Variants in CTNND2 observed in about 807,000 individuals in gnomAD.
CTNND2 encodes the protein catenin delta-2.
CTNND2 carries 22 observed loss-of-function variants against 144.4 expected under a neutral mutation model. That is an observed-to-expected ratio of 0.15 (90% CI 0.11 to 0.22). The LOEUF (loss-of-function observed/expected upper bound fraction) is 0.22, where lower values mean the gene tolerates loss of function less well. Ranked by LOEUF, CTNND2 falls within the 10% of genes least tolerant of loss-of-function variation. The pLI, the probability that CTNND2 is intolerant of heterozygous loss-of-function variation, is 1.00. For synonymous variants in CTNND2, 751 were observed against 695.6 expected (o/e 1.08, Z -1.25); for missense variants, 1,353 against 1,618.8 (o/e 0.84, Z 2.82).
chr5:11,281,044 C>T (rs1747059309), intron 9 of CTNND2, among the ~76,000 whole-genome samples: 2 of 152,184 alleles, frequency 1.3e-5, no homozygotes, highest in South Asian at 4.1e-4. Context: ...CAGCATGTAA[C>T]ATGTTCACCA....
intron 3 of CTNND2, among the ~76,000 whole-genome samples, chr5:11,481,178 A>G (rs1309150097): frequency 6.6e-6 from 1 of 152,210 alleles, no homozygotes; most frequent in Non-Finnish European, 1.5e-5. Flanking sequence ...ACGTGGGATC[A>G]GAAAACAAAC....
intron 11 of CTNND2, among the ~76,000 whole-genome samples, chr5:11,188,003 G>A (rs891403709): frequency 1.3e-5 from 2 of 152,170 alleles, no homozygotes; most frequent in African/African-American, 4.8e-5. Flanking sequence ...CACTGCTGGT[G>A]GGAATGTAAA....
chr5:11,801,163 A>G (rs1337285485), intron 1 of CTNND2, among the ~76,000 whole-genome samples: 1 of 152,244 alleles, frequency 6.6e-6, no homozygotes, highest in Admixed American at 6.5e-5. Flanking sequence ...TGAGTTAAAT[A>G]GCACACTGGC....
chr5:11,883,983 G>C (rs980584318), intron 1 of CTNND2, among the ~76,000 whole-genome samples: 6 of 152,148 alleles, frequency 3.9e-5, no homozygotes, highest in African/African-American at 1.4e-4. Flanking sequence ...GTCTTCTTTT[G>C]AGAAGTGTCT....
chr5:11,457,750 C>T (rs1234909349), intron 3 of CTNND2, among the ~76,000 whole-genome samples: 2 of 152,186 alleles, frequency 1.3e-5, no homozygotes, highest in African/African-American at 2.4e-5. Flanking sequence ...CAGATTTCTG[C>T]CATCATCATG....
chr5:11,097,667 T>C (rs1335662083), intron 15 of CTNND2, among the ~76,000 whole-genome samples: 1 of 152,028 alleles, frequency 6.6e-6, no homozygotes, highest in Non-Finnish European at 1.5e-5. Context: ...GGCCAGGGTG[T>C]GGTGAGTGTG....
chr5:11,102,611 A>G (rs1054507543), intron 14 of CTNND2, among the ~76,000 whole-genome samples: 3 of 152,236 alleles, frequency 2.0e-5, no homozygotes, highest in Non-Finnish European at 4.4e-5. Flanking sequence ...TCCATAAAAA[A>G]TCAGCCAACA....
chr5:11,334,834 C>G (rs141847090), intron 9 of CTNND2, among the ~76,000 whole-genome samples: 8 of 152,282 alleles, frequency 5.3e-5, no homozygotes, highest in African/African-American at 1.9e-4. Flanking sequence ...TAAGGACCCT[C>G]CGGTATGGAA....
intron 3 of CTNND2, among the ~76,000 whole-genome samples, chr5:11,455,902 TGTTA>T (rs1765695687): frequency 6.6e-6 from 1 of 152,236 alleles, no homozygotes; most frequent in Non-Finnish European, 1.5e-5. Flanking sequence ...TTACTTATGC[TGTTA>T]GATTCTGTCA....
chr5:11,242,277 T>C (rs1246354206), intron 9 of CTNND2, among the ~76,000 whole-genome samples: 1 of 152,084 alleles, frequency 6.6e-6, no homozygotes, highest in Non-Finnish European at 1.5e-5. Flanking sequence ...ACGAACATTG[T>C]GTGGTTTATT....
chr5:11,064,189 A>T (rs1747299840), intron 16 of CTNND2, among the ~76,000 whole-genome samples: 1 of 152,086 alleles, frequency 6.6e-6, no homozygotes, highest in African/African-American at 2.4e-5. Flanking sequence ...ATTTCTTTCC[A>T]TTTCTTTTCT....
intron 1 of CTNND2, among the ~76,000 whole-genome samples, chr5:11,771,396 C>T (rs1248422234): frequency 6.6e-6 from 1 of 151,816 alleles, no homozygotes; most frequent in Admixed American, 6.6e-5. Context: ...AGAATTTGAA[C>T]ATTTTTCAAT....
At chr5:11,662,261 A>G (rs531668737) in intron 2 of CTNND2, among the ~76,000 whole-genome samples, 10 of 126,904 alleles carry the variant, frequency 7.9e-5, no homozygotes, top group South Asian at 7.1e-4. Context: ...GTGTGTATAT[A>G]TGTGTGTGTG....
At chr5:11,051,077 C>T (rs1433449704) in intron 16 of CTNND2, among the ~76,000 whole-genome samples, 1 of 152,192 alleles carries the variant, frequency 6.6e-6, no homozygotes, top group African/African-American at 2.4e-5. Flanking sequence ...TTGTTTATTT[C>T]CACAAAGCCT....
At chr5:11,782,258 A>C (rs1315320134) in intron 1 of CTNND2, among the ~76,000 whole-genome samples, 2 of 152,200 alleles carry the variant, frequency 1.3e-5, no homozygotes, top group African/African-American at 4.8e-5. Context: ...TAACAGTATG[A>C]AAATGAGCTA....
chr5:11,377,893 A>G (rs1388188127), intron 7 of CTNND2, among the ~76,000 whole-genome samples: 1 of 152,208 alleles, frequency 6.6e-6, no homozygotes, highest in African/African-American at 2.4e-5. Flanking sequence ...TGAATTTACA[A>G]AAGAAATGTT....
At chr5:11,813,812 C>T (rs979361200) in intron 1 of CTNND2, among the ~76,000 whole-genome samples, 4 of 152,158 alleles carry the variant, frequency 2.6e-5, no homozygotes, top group Admixed American at 1.3e-4. Context: ...CCCCACTCAG[C>T]CTAGAACAAA....
chr5:11,059,577 A>T (rs1746716188), intron 16 of CTNND2, among the ~76,000 whole-genome samples: 1 of 152,208 alleles, frequency 6.6e-6, no homozygotes, highest in Non-Finnish European at 1.5e-5. Flanking sequence ...CTTGTACATC[A>T]TCCGTACTAC....
At chr5:11,310,394 T>C (rs1179763846) in intron 9 of CTNND2, among the ~76,000 whole-genome samples, 1 of 151,928 alleles carries the variant, frequency 6.6e-6, no homozygotes, top group East Asian at 1.9e-4. Flanking sequence ...AAACTTAGTT[T>C]CTCCCTCTGC....
Sources: allele counts gnomAD v4.1 joint callset (sites outside exome capture counted in the v4.1 genomes callset), GRCh38; gene constraint gnomAD v4.1.1; transcripts MANE v1.5; gene names NCBI Gene and HGNC (gene_info 2026-07-23, HGNC 2026-07-21).